Variants in FAM227B observed in about 807,000 individuals in gnomAD.
FAM227B encodes protein FAM227B.
Under a neutral mutation model 73.8 loss-of-function variants are expected in FAM227B, and 88 were observed. The ratio of observed to expected loss-of-function variants is 1.19; its 90% CI spans 1.00 to 1.42. The LOEUF is 1.42. Ranked by LOEUF, FAM227B falls within the 40% of genes most tolerant of loss-of-function variation. The probability of loss-of-function intolerance (pLI) is 0.00; values close to 1 mark genes in which losing one functional copy is unlikely to be tolerated. For synonymous variants in FAM227B, 210 were observed against 190.5 expected (o/e 1.10, Z -0.84); for missense variants, 632 against 590.9 (o/e 1.07, Z -0.72).
At chr15:49,503,803 T>G (rs1246094130) in intron 11 of FAM227B, among the ~76,000 whole-genome samples, 1 of 152,118 alleles carries the variant, frequency 6.6e-6, no homozygotes, top group Non-Finnish European at 1.5e-5. Context: ...TATGGAGAAA[T>G]AGAAACACGT....
chr15:49,534,274 T>C (rs1449702447), intron 10 of FAM227B, among the ~76,000 whole-genome samples: 4 of 151,768 alleles, frequency 2.6e-5, no homozygotes. Flanking sequence ...CACCTCTCAA[T>C]ATTACCATGC....
At chr15:49,570,760 C>T (rs1364331747) in intron 8 of FAM227B, among the ~76,000 whole-genome samples, 2 of 149,938 alleles carry the variant, frequency 1.3e-5, no homozygotes, top group Non-Finnish European at 3.0e-5. Context: ...AGCAAAACAT[C>T]CAGTTCCATC....
At chr15:49,472,450 C>G (rs762563679) in intron 11 of FAM227B, among the ~76,000 whole-genome samples, 26 of 152,154 alleles carry the variant, frequency 1.7e-4, no homozygotes, top group Non-Finnish European at 3.2e-4. Context: ...CCATAGGACA[C>G]TTCAGTTAAA....
intron 13 of FAM227B, 85 bp downstream of exon 13, chr15:49,367,363 G>C: frequency 8.5e-7 from 1 of 1,175,834 alleles, no homozygotes; most frequent in South Asian, 1.9e-5. Context: ...CATTCAATTT[G>C]TTTCTCAATT....
intron 1 of FAM227B, among the ~76,000 whole-genome samples, chr15:49,617,317 C>A (rs1396743437): frequency 6.6e-6 from 1 of 152,134 alleles, no homozygotes; most frequent in East Asian, 1.9e-4. Flanking sequence ...TCAAAAAAGT[C>A]TTTAAGACTC....
In FAM227B at chr15:49,453,117, A is replaced by G. The variant is rs564752350; in HGVS notation, c.1012+55094T>C. Among the ~76,000 whole-genome samples, 138 of 152,260 alleles carry G rather than the reference A, an allele frequency of 9.1e-4. 5 individuals are homozygous for G. In the South Asian group the frequency reaches 0.027, roughly 30 times the overall value. ...CATCCTAAAATATTGCATTGAGGTC[A>G]ACAAAAAGTGGTAGTAGCATGTTTG... On this transcript the variant is annotated intron_variant, in intron 11 of 15. Transcript: ENST00000299338.
At chr15:49,418,658 G>T (rs964955588) in intron 11 of FAM227B, among the ~76,000 whole-genome samples, 1 of 151,982 alleles carries the variant, frequency 6.6e-6, no homozygotes, top group African/African-American at 2.4e-5. Flanking sequence ...TGGAGGGAGG[G>T]AAGAGAAAAT....
chr15:49,504,501 G>A (rs1343851297), intron 11 of FAM227B, among the ~76,000 whole-genome samples: 3 of 151,916 alleles, frequency 2.0e-5, no homozygotes, highest in African/African-American at 4.8e-5. Context: ...CACCACTCGC[G>A]TTCCCTGAAG....
At chr15:49,599,545 T>C (rs964647908) in intron 3 of FAM227B, among the ~76,000 whole-genome samples, 2 of 152,098 alleles carry the variant, frequency 1.3e-5, no homozygotes, top group Non-Finnish European at 2.9e-5. Flanking sequence ...TATCTGAGAG[T>C]TTTTCTTAAT....
intron 11 of FAM227B, among the ~76,000 whole-genome samples, chr15:49,435,847 T>C (rs1474646224): frequency 6.6e-6 from 1 of 151,630 alleles, no homozygotes; most frequent in Non-Finnish European, 1.5e-5. Context: ...ACTGTTGCCA[T>C]AAATCTTTTA....
chr15:49,561,234 A>G (rs949012345), intron 9 of FAM227B, among the ~76,000 whole-genome samples: 3 of 152,194 alleles, frequency 2.0e-5, no homozygotes, highest in African/African-American at 4.8e-5. Flanking sequence ...CTTATAAGAT[A>G]AAACAGACAT....
At chr15:49,419,123 T>C (rs993331401) in intron 11 of FAM227B, among the ~76,000 whole-genome samples, 3 of 152,168 alleles carry the variant, frequency 2.0e-5, no homozygotes, top group African/African-American at 7.2e-5. Context: ...TTTTAAAATA[T>C]GGGAATGTTT....
intron 11 of FAM227B, among the ~76,000 whole-genome samples, chr15:49,380,714 A>T (rs1046949507): frequency 2.0e-5 from 3 of 151,184 alleles, no homozygotes; most frequent in Non-Finnish European, 4.4e-5. Context: ...TTTCTACTTT[A>T]TTTTTTTTCT....
At chr15:49,604,691 T>C (rs915361316) in intron 3 of FAM227B, among the ~76,000 whole-genome samples, 1 of 152,058 alleles carries the variant, frequency 6.6e-6, no homozygotes, top group Non-Finnish European at 1.5e-5. Context: ...GTATATATGT[T>C]TCACTTGACA....
intron 11 of FAM227B, among the ~76,000 whole-genome samples, chr15:49,417,465 CAGAA>C (rs2049294336): frequency 6.6e-6 from 1 of 152,044 alleles, no homozygotes; most frequent in Non-Finnish European, 1.5e-5. Context: ...GGTACTGGTA[CAGAA>C]AGAGACACAT....
chr15:49,352,625 C>T (rs1451986872), intron 13 of FAM227B, among the ~76,000 whole-genome samples: 1 of 152,106 alleles, frequency 6.6e-6, no homozygotes, highest in Admixed American at 6.5e-5. Context: ...CTATGTTTAA[C>T]AATATTGAGA....
chr15:49,451,963 A>C (rs1474016689), intron 11 of FAM227B, among the ~76,000 whole-genome samples: 1 of 152,140 alleles, frequency 6.6e-6, no homozygotes, highest in East Asian at 1.9e-4. Flanking sequence ...TAGTGAAAAA[A>C]TGCTATTTGA....
At chr15:49,444,001 T>G (rs532379983) in intron 11 of FAM227B, among the ~76,000 whole-genome samples, 3 of 151,780 alleles carry the variant, frequency 2.0e-5, no homozygotes. Context: ...AGTAAAAGAT[T>G]GTGCTGTAAA....
At chr15:49,347,043 C>T (rs1245165600) in intron 13 of FAM227B, among the ~76,000 whole-genome samples, 2 of 152,134 alleles carry the variant, frequency 1.3e-5, no homozygotes, top group African/African-American at 4.8e-5. Context: ...TGGAATCTTA[C>T]CCAGATTCTA....
Sources: allele counts gnomAD v4.1 joint callset (sites outside exome capture counted in the v4.1 genomes callset), GRCh38; gene constraint gnomAD v4.1.1; transcripts MANE v1.5; gene names NCBI Gene and HGNC (gene_info 2026-07-23, HGNC 2026-07-21).